The following RUFY3 variants were observed in gnomAD, a reference collection of about 807,000 sequenced individuals.
RUFY3 encodes protein RUFY3.
Under a neutral mutation model 84.0 loss-of-function variants are expected in RUFY3, and 34 were observed. That is an observed-to-expected ratio of 0.40 (90% CI 0.31 to 0.54). The LOEUF (loss-of-function observed/expected upper bound fraction) is 0.54, where lower values mean the gene tolerates loss of function less well. RUFY3 is among the 20% of genes least tolerant of loss of function. The probability of loss-of-function intolerance (pLI) is 0.39; values close to 1 mark genes in which losing one functional copy is unlikely to be tolerated. For synonymous variants in RUFY3, 242 were observed against 252.9 expected (o/e 0.96, Z 0.41); for missense variants, 507 against 736.8 (o/e 0.69, Z 3.61).
At chr4:70,719,958 G>A (rs1484909874), upstream of RUFY3, among the ~76,000 whole-genome samples, 1 of 152,190 alleles carries the variant, frequency 6.6e-6, no homozygotes, top group East Asian at 1.9e-4. Flanking sequence ...TGATGAGAGA[G>A]AATGAGATAG....
chr4:70,717,171 G>T (rs916393378), upstream of RUFY3, among the ~76,000 whole-genome samples: 1 of 152,148 alleles, frequency 6.6e-6, no homozygotes, highest in Non-Finnish European at 1.5e-5. Context: ...TATACATTAA[G>T]TTTGCTATTT....
At position 70,733,023 on chromosome 4, in the gene RUFY3, C is replaced by T. The variant is rs193118391; in HGVS notation, c.178+10272C>T. 2.8e-3 allele frequency among the ~76,000 whole-genome samples: 416 copies of T among 150,026 alleles called. 3 individuals carry two copies. Among genetic ancestry groups the T allele is most frequent in the African/African-American group, 9.5e-3 (389 of 40,740 alleles). On this transcript the variant is annotated intron_variant, in intron 1 of 17. Transcript: ENST00000381006. ...CGGAGGTTGCAGTGAGCCAAGATCG[C>T]GCCACTGCACTCTAACCTGGGCAAC...
At chr4:70,704,983 G>C (rs1216507055) in exon 1 of RUFY3, 2 of 1,226,830 alleles carry the variant, frequency 1.6e-6, no homozygotes, top group Non-Finnish European at 2.0e-6. Flanking sequence ...GAAAGTTGCA[G>C]CGAGGAGCCG....
chr4:70,707,841 C>A (rs1740516848), intron 1 of RUFY3, among the ~76,000 whole-genome samples: 1 of 152,164 alleles, frequency 6.6e-6, no homozygotes, highest in Non-Finnish European at 1.5e-5. Context: ...AGCATACTTA[C>A]AGAAAGGAAC....
chr4:70,791,969 A>G, intron 12 of RUFY3: 1 of 984,448 alleles, frequency 1.0e-6, no homozygotes. Flanking sequence ...ATAGAAATAA[A>G]GTTAGTAATT....
Position 70,763,571 on chromosome 4 carries a change from AC to A in RUFY3, c.373del (p.Gln125LysfsTer9). On this transcript the variant is annotated frameshift_variant, in exon 3 of 18. Transcript: ENST00000381006. LOFTEE classifies it high-confidence loss of function. ...GLKAKKTFLG[Q>X]NKSFWGPLEL... Reference sequence around the variant, plus strand: ...CCTTAGCTAAAAAAACTTTTCTCGGACAAAATAAATCCTTCTGGGGGCCTCT... The same window carrying A: ...CCTTAGCTAAAAAAACTTTTCTCGGAAAAATAAATCCTTCTGGGGGCCTCT... 1 of 1,606,156 alleles carries A rather than the reference AC, an allele frequency of 6.2e-7. No homozygotes were observed. The highest frequency in any genetic ancestry group is 8.5e-7 in the Non-Finnish European group (1 of 1,178,128).
chr4:70,779,912 C>G (rs932229927), intron 8 of RUFY3, among the ~76,000 whole-genome samples: 4 of 152,038 alleles, frequency 2.6e-5, no homozygotes, highest in Non-Finnish European at 4.4e-5. Context: ...CCCTTACACC[C>G]CATGGGATGA....
At chr4:70,724,505 C>A (rs1239198250) in intron 1 of RUFY3, among the ~76,000 whole-genome samples, 1 of 152,130 alleles carries the variant, frequency 6.6e-6, no homozygotes, top group East Asian at 1.9e-4. Context: ...CATTTGAATT[C>A]TTCATAGAGA....
chr4:70,722,792 T>C, intron 1 of RUFY3, 41 bp downstream of exon 1: 1 of 1,576,128 alleles, frequency 6.3e-7, no homozygotes, highest in Non-Finnish European at 8.7e-7. Context: ...ACCAGCATCC[T>C]CATTGTTATG....
At chr4:70,716,528 G>A (rs28380359) in intron 1 of RUFY3, among the ~76,000 whole-genome samples, 20,215 of 151,934 alleles carry the variant, frequency 0.13, 3,240 homozygotes, top group African/African-American at 0.39. Context: ...TGCACACTAC[G>A]GTTTGGATGA....
At chr4:70,716,640 TC>T (rs913670351) in intron 1 of RUFY3, among the ~76,000 whole-genome samples, 2 of 151,930 alleles carry the variant, frequency 1.3e-5, no homozygotes, top group East Asian at 1.9e-4. Flanking sequence ...GTTCAGGAAT[TC>T]AAGACCAGCC....
rs1352477325 is a variant in RUFY3, at chr4:70,722,256, GA to G, written c.-310del. 8.1e-6 allele frequency: 10 copies of G among 1,229,688 alleles called. No homozygotes were observed. The highest frequency in any genetic ancestry group is 4.2e-5 in the Admixed American group (1 of 23,948). 76.2% of individuals were successfully genotyped at this position (1,229,688 alleles called of 1,614,324 possible). On this transcript the variant is annotated 5_prime_UTR_variant, in exon 1 of 18. Transcript: ENST00000381006. ...GGGATTTAAAGCCTATAGCTCAGCT[GA>G]AAAAAAAGGTGGGGGGCAGGGAAGG...
upstream of RUFY3, among the ~76,000 whole-genome samples, chr4:70,719,005 G>A (rs1351850603): frequency 4.6e-5 from 7 of 152,210 alleles, no homozygotes; most frequent in Non-Finnish European, 1.0e-4. Flanking sequence ...ATGAGCCACC[G>A]TGCCCGGCCG....
At chr4:70,741,356 A>G (rs1265907789) in intron 1 of RUFY3, among the ~76,000 whole-genome samples, 1 of 152,220 alleles carries the variant, frequency 6.6e-6, no homozygotes. Context: ...GTTGCTTTTT[A>G]ATAGGATATG....
chr4:70,768,097 A>G (rs1726295917), intron 4 of RUFY3, among the ~76,000 whole-genome samples: 1 of 152,134 alleles, frequency 6.6e-6, no homozygotes, highest in South Asian at 2.1e-4. Flanking sequence ...GGTCTCCCCA[A>G]GTGCTGGGAT....
chr4:70,716,527 C>T (rs745461341), intron 1 of RUFY3, among the ~76,000 whole-genome samples: 1 of 151,956 alleles, frequency 6.6e-6, no homozygotes, highest in Non-Finnish European at 1.5e-5. Flanking sequence ...ATGCACACTA[C>T]GGTTTGGATG....
At chr4:70,775,132 A>G (rs2148745707) in intron 6 of RUFY3, 36 bp from the exon 7 acceptor site, 1 of 1,498,946 alleles carries the variant, frequency 6.7e-7, no homozygotes, top group Middle Eastern at 2.2e-4. Context: ...TTCTTATGTT[A>G]TTTATTTTAT....
upstream of RUFY3, among the ~76,000 whole-genome samples, chr4:70,718,073 C>T (rs1194903544): frequency 2.6e-5 from 4 of 151,702 alleles, no homozygotes; most frequent in Non-Finnish European, 4.4e-5. Flanking sequence ...TTAGTAGAGA[C>T]GGGGTTTCAC....
intron 9 of RUFY3, 79 bp downstream of exon 9, chr4:70,783,262 T>C: frequency 1.2e-6 from 1 of 857,994 alleles, no homozygotes; most frequent in Non-Finnish European, 1.9e-6. Flanking sequence ...TCTAAAGGAC[T>C]ATTTTAAGCA....
Sources: allele counts gnomAD v4.1 joint callset (sites outside exome capture counted in the v4.1 genomes callset), GRCh38; gene constraint gnomAD v4.1.1; transcripts MANE v1.5; gene names NCBI Gene and HGNC (gene_info 2026-07-23, HGNC 2026-07-21).